The following CCT3 variants were observed in gnomAD, a reference collection of about 807,000 sequenced individuals.
CCT3 encodes the protein T-complex protein 1 subunit gamma.
A neutral mutation model predicts 65.3 loss-of-function variants in CCT3; 10 were observed. The observed-to-expected ratio is 0.15, with a 90% CI of 0.09 to 0.26. The LOEUF (loss-of-function observed/expected upper bound fraction) is 0.26, where lower values mean the gene tolerates loss of function less well. Among genes scored for constraint, CCT3 ranks in the 10% least tolerant of loss-of-function variants. CCT3 has a pLI of 1.00. For synonymous variants in CCT3, 225 were observed against 242.3 expected (o/e 0.93, Z 0.66); for missense variants, 626 against 708.7 (o/e 0.88, Z 1.33).
intron 5 of CCT3, among the ~76,000 whole-genome samples, chr1:156,331,994 T>C (rs1665120618): frequency 6.6e-6 from 1 of 151,520 alleles, no homozygotes; most frequent in African/African-American, 2.4e-5. Flanking sequence ...ATTGTGCCAT[T>C]GCACTCCAGC....
intron 8 of CCT3, among the ~76,000 whole-genome samples, chr1:156,317,999 A>G (rs1664384715): frequency 1.3e-5 from 2 of 152,122 alleles, no homozygotes; most frequent in African/African-American, 4.8e-5. Context: ...GGCGTGAGCC[A>G]CCACGCCCGG....
chr1:156,315,986 T>C (rs1361173432), intron 10 of CCT3, among the ~76,000 whole-genome samples: 1 of 151,928 alleles, frequency 6.6e-6, no homozygotes, highest in Non-Finnish European at 1.5e-5. Flanking sequence ...TAATAAAGAC[T>C]GTACCAAAGA....
At chr1:156,316,804 C>G (rs1252395154) in intron 10 of CCT3, among the ~76,000 whole-genome samples, 3 of 152,152 alleles carry the variant, frequency 2.0e-5, no homozygotes, top group Non-Finnish European at 2.9e-5. Flanking sequence ...GATGGTTCTG[C>G]TATAATCCAG....
chr1:156,337,052 G>A, intron 1 of CCT3: 1 of 1,281,970 alleles, frequency 7.8e-7, no homozygotes, highest in Non-Finnish European at 1.0e-6. Flanking sequence ...ATGAGGTACA[G>A]AAGTTACACA....
intron 5 of CCT3, among the ~76,000 whole-genome samples, chr1:156,330,509 C>A (rs1665059404): frequency 6.6e-6 from 1 of 150,682 alleles, no homozygotes; most frequent in African/African-American, 2.4e-5. Context: ...ACTAAAAATA[C>A]AAAAATTAGC....
At chr1:156,332,016 G>A (rs1429263628) in intron 5 of CCT3, among the ~76,000 whole-genome samples, 1 of 147,686 alleles carries the variant, frequency 6.8e-6, no homozygotes. Context: ...TGGGCAACAA[G>A]AGTGAGACTC....
intron 10 of CCT3, among the ~76,000 whole-genome samples, chr1:156,315,243 T>A (rs1664261121): frequency 6.6e-6 from 1 of 152,152 alleles, no homozygotes; most frequent in Admixed American, 6.6e-5. Flanking sequence ...ACTTTCACTC[T>A]TGTCGCCCAG....
chr1:156,328,458 G>A (rs1201636265), intron 5 of CCT3, among the ~76,000 whole-genome samples: 2 of 152,102 alleles, frequency 1.3e-5, no homozygotes, highest in Admixed American at 6.6e-5. Context: ...GATGGTTGCC[G>A]TGTCTGTGTA....
rs759359928 is a variant in CCT3 at position 156,311,133 on chromosome 1, C to T, written c.1218G>A (p.Gln406=). ...CGGAGGCCCCACCCCCTGGCACCAG[C>T]TGAGGGTCCAGGAGAACATTGCGAC... ...QVCRNVLLDP[Q]LVPGGGASEM... The change falls in exon 12 of 14, where the codon CAG becomes CAA. Residue 406 remains glutamine (Q), a synonymous_variant. Transcript: ENST00000295688. 1 of 1,614,016 alleles carries T rather than the reference C, an allele frequency of 6.2e-7. No individual in the cohort carries two copies. Among genetic ancestry groups the T allele is most frequent in the South Asian group, 1.1e-5 (1 of 91,080 alleles).
At chr1:156,331,125 A>C (rs1216932374) in intron 5 of CCT3, among the ~76,000 whole-genome samples, 1 of 151,768 alleles carries the variant, frequency 6.6e-6, no homozygotes, top group Non-Finnish European at 1.5e-5. Flanking sequence ...CCATCTACTC[A>C]GGAGGCTGAG....
At chr1:156,333,291 C>CAAA (rs35038881) in intron 5 of CCT3, 215 of 238,332 alleles carry the variant, frequency 9.0e-4, no homozygotes, top group South Asian at 1.7e-3. Flanking sequence ...GACTCTGTCT[C>CAAA]AAAAAAAAAA....
intron 5 of CCT3, chr1:156,333,036 C>T (rs370333290): frequency 9.1e-5 from 16 of 175,660 alleles, no homozygotes; most frequent in African/African-American, 3.6e-4. Context: ...TGGCTCACGC[C>T]TGTAATCCCA....
intron 1 of CCT3, chr1:156,337,540 G>GATCA (rs777889482): frequency 4.8e-5 from 8 of 168,056 alleles, no homozygotes; most frequent in Non-Finnish European, 1.0e-4. Context: ...TTACATCTAA[G>GATCA]ATCAGTGAGG....
At chr1:156,311,245 A>C (rs367606969) in intron 11 of CCT3, 50 bp from the exon 12 acceptor site, 1 of 1,573,440 alleles carries the variant, frequency 6.4e-7, no homozygotes, top group Non-Finnish European at 8.6e-7. Context: ...TGACTCATAA[A>C]ATCGGAGGCA....
At chr1:156,322,958 C>T (rs1664626932) in intron 6 of CCT3, among the ~76,000 whole-genome samples, 1 of 151,998 alleles carries the variant, frequency 6.6e-6, no homozygotes, top group African/African-American at 2.4e-5. Flanking sequence ...TTAGATCAAA[C>T]ACCTCATTCT....
At position 156,311,094 on chromosome 1, in the gene CCT3, G is replaced by A. The variant is rs772593188; in HGVS notation, c.1257C>T (p.Ala419=). 7 of 1,614,026 alleles carry A rather than the reference G, an allele frequency of 4.3e-6. 1 individual carries two copies. Among genetic ancestry groups the A allele is most frequent in the Middle Eastern group, 1.6e-4 (1 of 6,084 alleles). ...PGGGASEMAV[A]HALTEKSKAM... is the part of the protein sequence containing the mutation. ...CCTTGGATTTTTCTGTCAAGGCATG[G>A]GCCACAGCCATCTCGGAGGCCCCAC... The change falls in exon 12 of 14, where the codon GCC becomes GCT. Residue 419 remains alanine (A), a synonymous_variant. Coordinates refer to ENST00000295688, the MANE Select transcript of CCT3 (RefSeq NM_005998.5).
intron 7 of CCT3, 151 bp from the exon 8 acceptor site, chr1:156,319,168 A>T: frequency 3.3e-6 from 2 of 610,316 alleles, no homozygotes; most frequent in Non-Finnish European, 5.3e-6. Flanking sequence ...GCTGGAGTGC[A>T]GTGGTGCAAT....
intron 5 of CCT3, among the ~76,000 whole-genome samples, chr1:156,326,266 C>G (rs530929154): frequency 6.6e-6 from 1 of 152,162 alleles, no homozygotes; most frequent in East Asian, 1.9e-4. Flanking sequence ...AAGGTCAAGG[C>G]TGCAGTGAGC....
rs533467603 is a variant in CCT3, at chr1:156,319,127, T to C, written c.610-110A>G. ...GCTAGTGTTTCAGGTTTTTTTTTTT[T>C]TTTGAGATGGAGTCTCGCTCTGTCG... On this transcript the variant is annotated intron_variant, in intron 7 of 13. Coordinates refer to ENST00000295688, the MANE Select transcript of CCT3 (RefSeq NM_005998.5). 1.3e-4 allele frequency: 129 copies of C among 1,031,850 alleles called. 1 individual carries two copies. In the East Asian group the frequency reaches 3.4e-3, roughly 27 times the overall value. The allele number at this position is 1,031,850 out of a possible 1,614,324, so 63.9% of individuals were successfully genotyped here.
Sources: allele counts gnomAD v4.1 joint callset (sites outside exome capture counted in the v4.1 genomes callset), GRCh38; gene constraint gnomAD v4.1.1; transcripts MANE v1.5; gene names NCBI Gene and HGNC (gene_info 2026-07-23, HGNC 2026-07-21).